Variants in PALLD observed in about 807,000 individuals in gnomAD.
PALLD encodes the protein palladin, cytoskeletal associated protein.
In PALLD, 61 loss-of-function variants were observed where a neutral mutation model predicts 123.5. That is an observed-to-expected ratio of 0.49 (90% CI 0.40 to 0.61). The LOEUF is 0.61. PALLD is among the 20% of genes least tolerant of loss of function. PALLD has a pLI of 0.00. For synonymous variants in PALLD, 465 were observed against 496.4 expected, an observed-to-expected ratio of 0.94 and a Z score of 0.84; for missense variants, 1,273 against 1,377.0, an observed-to-expected ratio of 0.92 and a Z score of 1.20.
Position 168,511,971 on chromosome 4 carries a change from CG to C in PALLD, c.468del (p.Pro157HisfsTer19). On this transcript the variant is annotated frameshift_variant, in exon 2 of 22. Transcript: ENST00000505667. LOFTEE classifies it high-confidence loss of function. ...KTPSTNVKPK[T>X]PHQRKGGPQS... ...CCCAGCACAAACGTAAAGCCCAAAACGCCACATCAAAGAAAGGGTGGCCCCC... is the reference window on the plus strand; with the variant it reads ...CCCAGCACAAACGTAAAGCCCAAAACCCACATCAAAGAAAGGGTGGCCCCC... The C allele has an allele frequency of 6.2e-7, 1 of 1,614,198 alleles. No homozygotes were observed. Among genetic ancestry groups the C allele is most frequent in the Non-Finnish European group, 8.5e-7 (1 of 1,180,044 alleles).
At chr4:168,523,298 A>G (rs1763744189) in intron 2 of PALLD, among the ~76,000 whole-genome samples, 1 of 151,564 alleles carries the variant, frequency 6.6e-6, no homozygotes, top group Non-Finnish European at 1.5e-5. Flanking sequence ...GGAAGGAGGG[A>G]GGCAGACAAA....
chr4:168,608,206 A>G (rs1773378922), intron 2 of PALLD, among the ~76,000 whole-genome samples: 1 of 152,236 alleles, frequency 6.6e-6, no homozygotes, highest in Non-Finnish European at 1.5e-5. Context: ...GCTTGAGCAG[A>G]TAAATAGGAG....
intron 10 of PALLD, among the ~76,000 whole-genome samples, chr4:168,740,549 C>T (rs577311082): frequency 2.6e-5 from 4 of 152,140 alleles, no homozygotes; most frequent in East Asian, 1.9e-4. Context: ...ATCTTGCAGG[C>T]GCTTTCAGAA....
intron 10 of PALLD, among the ~76,000 whole-genome samples, chr4:168,828,712 G>A (rs1411561751): frequency 3.3e-5 from 5 of 152,202 alleles, no homozygotes; most frequent in African/African-American, 4.8e-5. Flanking sequence ...AATACTTGGC[G>A]AATTGAGCCC....
intron 2 of PALLD, among the ~76,000 whole-genome samples, chr4:168,629,293 C>T (rs1440937507): frequency 1.3e-5 from 2 of 151,994 alleles, no homozygotes; most frequent in African/African-American, 4.8e-5. Context: ...GGATTACAGA[C>T]GTGAGCCACC....
intron 10 of PALLD, among the ~76,000 whole-genome samples, chr4:168,745,695 T>C (rs1730198038): frequency 6.6e-6 from 1 of 152,148 alleles, no homozygotes; most frequent in South Asian, 2.1e-4. Flanking sequence ...TTTCATTACT[T>C]TCCCATTCCA....
intron 3 of PALLD, among the ~76,000 whole-genome samples, chr4:168,680,312 T>C (rs1580927894): frequency 6.7e-6 from 1 of 148,308 alleles, no homozygotes; most frequent in Admixed American, 6.7e-5. Flanking sequence ...ACCCCATCTC[T>C]GCTAAAAAAA....
intron 10 of PALLD, among the ~76,000 whole-genome samples, chr4:168,716,993 G>A (rs973401461): frequency 6.6e-6 from 1 of 152,114 alleles, no homozygotes; most frequent in Non-Finnish European, 1.5e-5. Flanking sequence ...TCAGCTTAAT[G>A]TCACCACTTC....
chr4:168,557,809 A>T (rs1010615916), intron 2 of PALLD, among the ~76,000 whole-genome samples: 2 of 152,106 alleles, frequency 1.3e-5, no homozygotes, highest in African/African-American at 2.4e-5. Flanking sequence ...GTTAGGACCT[A>T]CTTCAGGCTT....
At chr4:168,695,275 A>G (rs1433821249) in intron 8 of PALLD, among the ~76,000 whole-genome samples, 2 of 152,134 alleles carry the variant, frequency 1.3e-5, no homozygotes, top group Non-Finnish European at 2.9e-5. Context: ...AATGATAGGG[A>G]TGTTTCTTGA....
intron 15 of PALLD, among the ~76,000 whole-genome samples, chr4:168,912,646 A>AT (rs1759224575): frequency 6.6e-6 from 1 of 152,208 alleles, no homozygotes; most frequent in African/African-American, 2.4e-5. Flanking sequence ...ACAGTGTGAT[A>AT]TTTCAAAGCA....
chr4:168,612,491 G>A (rs145786307), intron 2 of PALLD, among the ~76,000 whole-genome samples: 1 of 152,300 alleles, frequency 6.6e-6, no homozygotes, highest in African/African-American at 2.4e-5. Context: ...GCTCCAATCT[G>A]TCCAGCAGCT....
chr4:168,853,884 G>A (rs1748180345), intron 10 of PALLD, among the ~76,000 whole-genome samples: 2 of 152,194 alleles, frequency 1.3e-5, no homozygotes, highest in Admixed American at 1.3e-4. Flanking sequence ...CATGATGGTT[G>A]AGATGAGACG....
rs140236743 is a variant in PALLD, at chr4:168,511,736, C to T, written c.232C>T (p.His78Tyr). ...FSTSPASLCE[H>Y]PSHKETKLGE... ...TACTTCTCCTGCAAGCCTCTGTGAA[C>T]ATCCTTCCCATAAGGAGACCAAATT... The change falls in exon 2 of 22, where the codon CAT becomes TAT. Residue 78 changes from histidine (H) to tyrosine (Y), a missense_variant. Transcript: ENST00000505667. 1.8e-5 allele frequency: 29 copies of T among 1,614,188 alleles called. No individual in the cohort carries two copies. The highest frequency in any genetic ancestry group is 1.2e-4 in the Admixed American group (7 of 60,030).
chr4:168,789,775 G>A (rs1307391163), intron 10 of PALLD, among the ~76,000 whole-genome samples: 1 of 151,790 alleles, frequency 6.6e-6, no homozygotes, highest in Non-Finnish European at 1.5e-5. Flanking sequence ...TTCATTTCAG[G>A]TTTAAAGTAT....
intron 3 of PALLD, among the ~76,000 whole-genome samples, chr4:168,673,011 A>G (rs1780450227): frequency 6.6e-6 from 1 of 152,154 alleles, no homozygotes; most frequent in African/African-American, 2.4e-5. Context: ...TGGGGCAGCT[A>G]CAGTTCCTTG....
At chr4:168,810,880 A>C (rs1741022670) in intron 10 of PALLD, among the ~76,000 whole-genome samples, 1 of 152,038 alleles carries the variant, frequency 6.6e-6, no homozygotes, top group African/African-American at 2.4e-5. Flanking sequence ...TATGATAGTT[A>C]GATGTGGACC....
intron 2 of PALLD, among the ~76,000 whole-genome samples, chr4:168,533,863 T>C (rs1425541876): frequency 6.6e-6 from 1 of 152,036 alleles, no homozygotes; most frequent in Non-Finnish European, 1.5e-5. Flanking sequence ...AAGGAGGACA[T>C]TTTCTCCAAA....
chr4:168,759,381 C>T lies in PALLD; in HGVS notation c.1964+47458C>T, dbSNP rs189188910. Among the ~76,000 whole-genome samples the T allele has an allele frequency of 7.2e-3, 1,083 of 151,168 alleles. 12 individuals carry two copies. Among genetic ancestry groups the T allele is most frequent in the African/African-American group, 0.025 (1,027 of 41,140 alleles). On this transcript the variant is annotated intron_variant, in intron 10 of 21. Transcript: ENST00000505667. ...GTACCATTCATGTGCAGAAAAGCAC[C>T]TTTATTTATAAAATATGAATTCAAC...
Sources: allele counts gnomAD v4.1 joint callset (sites outside exome capture counted in the v4.1 genomes callset), GRCh38; gene constraint gnomAD v4.1.1; transcripts MANE v1.5; gene names NCBI Gene and HGNC (gene_info 2026-07-23, HGNC 2026-07-21).